Variants in FAM135B observed in about 807,000 individuals in gnomAD.
The protein encoded by FAM135B is family with sequence similarity 135 member B.
A neutral mutation model predicts 127.7 loss-of-function variants in FAM135B; 43 were observed. The observed-to-expected ratio is 0.34, with a 90% CI of 0.26 to 0.43. FAM135B has a LOEUF of 0.43. Ranked by LOEUF, FAM135B falls within the 20% of genes least tolerant of loss-of-function variation. The pLI is 1.00. For missense variants in FAM135B, 1,558 were observed against 1,725.6 expected, an observed-to-expected ratio of 0.90 and a Z score of 1.72; for synonymous variants, 670 against 665.1, an observed-to-expected ratio of 1.01 and a Z score of -0.11.
chr8:138,275,711 TAA>T (rs925207600), intron 3 of FAM135B, among the ~76,000 whole-genome samples: 1 of 151,396 alleles, frequency 6.6e-6, no homozygotes, highest in Non-Finnish European at 1.5e-5. Context: ...AAAAAGTAAA[TAA>T]AATGAATAAA....
chr8:138,357,502 G>A (rs1262515145), intron 2 of FAM135B, among the ~76,000 whole-genome samples: 1 of 152,022 alleles, frequency 6.6e-6, no homozygotes, highest in Admixed American at 6.6e-5. Flanking sequence ...AGAATATGAT[G>A]ACATTTTTCT....
At chr8:138,410,847 A>T (rs1833823596) in intron 1 of FAM135B, among the ~76,000 whole-genome samples, 1 of 152,198 alleles carries the variant, frequency 6.6e-6, no homozygotes, top group Non-Finnish European at 1.5e-5. Context: ...CGCCAACAAC[A>T]GACAAACAGA....
intron 5 of FAM135B, among the ~76,000 whole-genome samples, chr8:138,252,714 C>G (rs1044014254): frequency 8.5e-5 from 13 of 152,158 alleles, no homozygotes; most frequent in Non-Finnish European, 1.6e-4. Flanking sequence ...GGAAATAAAG[C>G]AAACAAAAAA....
chr8:138,467,371 C>T (rs1342252856), intron 1 of FAM135B, among the ~76,000 whole-genome samples: 1 of 152,150 alleles, frequency 6.6e-6, no homozygotes, highest in Non-Finnish European at 1.5e-5. Context: ...TCACTAGCCA[C>T]ATGTGGTTAC....
chr8:138,219,927 C>T (rs547461582), intron 7 of FAM135B, among the ~76,000 whole-genome samples: 2 of 152,210 alleles, frequency 1.3e-5, no homozygotes, highest in Non-Finnish European at 2.9e-5. Flanking sequence ...GACCTCCTGC[C>T]CTGGATTATC....
At chr8:138,286,410 T>C (rs1346440969) in intron 3 of FAM135B, among the ~76,000 whole-genome samples, 1 of 152,236 alleles carries the variant, frequency 6.6e-6, no homozygotes, top group African/African-American at 2.4e-5. Context: ...GCTTTTGCTA[T>C]GCAGTCTCTG....
intron 2 of FAM135B, among the ~76,000 whole-genome samples, chr8:138,364,534 AAG>A (rs1179802365): frequency 6.6e-6 from 1 of 152,164 alleles, no homozygotes. Context: ...TCCACATCTG[AAG>A]TATGTGCCTA....
chr8:138,273,812 C>T (rs567364754), intron 3 of FAM135B, among the ~76,000 whole-genome samples: 15 of 152,158 alleles, frequency 9.9e-5, no homozygotes, highest in Non-Finnish European at 1.5e-5. Context: ...CACTTCCCAC[C>T]TCTCTGTGTT....
chr8:138,285,551 C>G (rs1415796954), intron 3 of FAM135B, among the ~76,000 whole-genome samples: 7 of 152,084 alleles, frequency 4.6e-5, no homozygotes, highest in Non-Finnish European at 8.8e-5. Flanking sequence ...ATAATATCAA[C>G]AAAAAATCTA....
intron 1 of FAM135B, among the ~76,000 whole-genome samples, chr8:138,402,036 G>A (rs76389168): frequency 0.026 from 3,999 of 152,180 alleles, 348 homozygotes; most frequent in Admixed American, 0.16. Context: ...TGTGAGGAGG[G>A]TGGGAGGTGG....
At chr8:138,412,014 G>C (rs1833898489) in intron 1 of FAM135B, among the ~76,000 whole-genome samples, 1 of 152,130 alleles carries the variant, frequency 6.6e-6, no homozygotes, top group Admixed American at 6.6e-5. Context: ...GCTAAACATT[G>C]GTTAGACATG....
intron 3 of FAM135B, among the ~76,000 whole-genome samples, chr8:138,297,879 C>G (rs956361170): frequency 6.6e-6 from 1 of 152,228 alleles, no homozygotes; most frequent in African/African-American, 2.4e-5. Context: ...AGCTGCATGG[C>G]AGGGCCATTT....
chr8:138,420,473 A>G (rs1014530210), intron 1 of FAM135B, among the ~76,000 whole-genome samples: 2 of 152,010 alleles, frequency 1.3e-5, no homozygotes, highest in East Asian at 3.9e-4. Flanking sequence ...AACATCAAGG[A>G]GTAGGGACTC....
intron 1 of FAM135B, among the ~76,000 whole-genome samples, chr8:138,444,396 T>C (rs1433490916): frequency 1.3e-5 from 2 of 152,170 alleles, no homozygotes; most frequent in African/African-American, 2.4e-5. Context: ...ACCACATAGT[T>C]GGAAGTAAAG....
intron 1 of FAM135B, among the ~76,000 whole-genome samples, chr8:138,486,536 C>T (rs1053630780): frequency 3.3e-5 from 5 of 152,142 alleles, no homozygotes; most frequent in Non-Finnish European, 5.9e-5. Flanking sequence ...CCACAGCTGA[C>T]GGGAGCTGCT....
At position 138,484,357 on chromosome 8, in the gene FAM135B, T is replaced by C. The variant is rs962946638; in HGVS notation, c.-20+12314A>G. Among the ~76,000 whole-genome samples, 7 of 152,150 alleles carry C rather than the reference T, an allele frequency of 4.6e-5. No individual in the cohort carries two copies. The East Asian group carries it at 1.2e-3, about 25-fold the overall frequency. On this transcript the variant is annotated intron_variant, in intron 1 of 19. Transcript: ENST00000395297. ...TCTTTATTGGCTGAGAGGGAAATGG[T>C]TTGTTTTACTTTCATGATTTATAGC... is the stretch of plus-strand genomic sequence containing the variant.
chr8:138,190,039 A>C (rs1023397042), intron 9 of FAM135B, among the ~76,000 whole-genome samples: 1 of 151,880 alleles, frequency 6.6e-6, no homozygotes, highest in African/African-American at 2.4e-5. Flanking sequence ...CCAGTCTCTG[A>C]CTCTTTGCAG....
chr8:138,133,524 A>G (rs1816372994), intron 19 of FAM135B, among the ~76,000 whole-genome samples: 1 of 152,190 alleles, frequency 6.6e-6, no homozygotes, highest in African/African-American at 2.4e-5. Context: ...ATTGACAGAC[A>G]CTTTCTGGAA....
intron 9 of FAM135B, among the ~76,000 whole-genome samples, chr8:138,191,871 G>A (rs1816159432): frequency 6.6e-6 from 1 of 152,142 alleles, no homozygotes; most frequent in Non-Finnish European, 1.5e-5. Context: ...AGACATGATG[G>A]TTTGCATTTT....
Sources: gnomAD v4.1 joint callset for allele counts (sites outside exome capture counted in the v4.1 genomes callset) on GRCh38, gnomAD v4.1.1 for gene constraint, MANE v1.5 for transcripts, NCBI Gene and HGNC (gene_info 2026-07-23, HGNC 2026-07-21) for gene names.